Variants in RPA2 observed in about 807,000 individuals in gnomAD.
RPA2 encodes the protein replication protein A 32 kDa subunit.
Under a neutral mutation model 33.4 loss-of-function variants are expected in RPA2, and 22 were observed. The observed-to-expected ratio is 0.66, with a 90% CI of 0.47 to 0.94. The LOEUF is 0.94. Ranked by LOEUF, RPA2 falls within the 40% of genes least tolerant of loss-of-function variation. The pLI, the probability that RPA2 is intolerant of heterozygous loss-of-function variation, is 0.00. For synonymous variants in RPA2, 109 were observed against 114.9 expected, an observed-to-expected ratio of 0.95 and a Z score of 0.33; for missense variants, 279 against 329.9, an observed-to-expected ratio of 0.85 and a Z score of 1.19.
At chr1:27,911,585 C>G (rs1377609179) in intron 2 of RPA2, among the ~76,000 whole-genome samples, 11 of 152,122 alleles carry the variant, frequency 7.2e-5, no homozygotes, top group Non-Finnish European at 1.5e-4. Context: ...GAATTAAAGT[C>G]CCTTGAGATC....
chr1:27,912,601 G>C (rs1049527063), intron 2 of RPA2, among the ~76,000 whole-genome samples: 3 of 152,086 alleles, frequency 2.0e-5, no homozygotes, highest in African/African-American at 7.2e-5. Context: ...GCTTTCTATA[G>C]ATTGTTTTCC....
Position 27,897,997 on chromosome 1 carries a change from T to C in RPA2, c.334-290A>G, listed in dbSNP as rs28904886. On this transcript the variant is annotated intron_variant, in intron 4 of 8. Coordinates refer to ENST00000373912, the MANE Select transcript of RPA2 (RefSeq NM_002946.5). ...AAGCTCTTAGGCACACAATTTTCTTTTTTCTTTTTTTGAGAGGGAGTCTCG... is the reference window on the plus strand; with the variant it reads ...AAGCTCTTAGGCACACAATTTTCTTCTTTCTTTTTTTGAGAGGGAGTCTCG... Among the ~76,000 whole-genome samples the C allele has an allele frequency of 3.6e-3, 542 of 152,304 alleles. 4 individuals are homozygous for C. Among genetic ancestry groups the C allele is most frequent in the African/African-American group, 0.013 (522 of 41,552 alleles).
intron 4 of RPA2, among the ~76,000 whole-genome samples, chr1:27,902,286 CTT>C (rs11384286): frequency 1.9e-4 from 26 of 139,000 alleles, no homozygotes; most frequent in African/African-American, 5.3e-4. Flanking sequence ...TTTACGTATA[CTT>C]TTTTTTTTTT....
chr1:27,908,828 G>A (rs1234623004), intron 2 of RPA2, among the ~76,000 whole-genome samples: 4 of 152,196 alleles, frequency 2.6e-5, no homozygotes, highest in Non-Finnish European at 4.4e-5. Flanking sequence ...CCAGACAACA[G>A]TGTAAACTTA....
chr1:27,905,970 A>G (rs1353380885), intron 4 of RPA2, among the ~76,000 whole-genome samples: 4 of 142,914 alleles, frequency 2.8e-5, no homozygotes, highest in Non-Finnish European at 6.1e-5. Flanking sequence ...TGTTTGTAAT[A>G]TGTTGCAAAT....
chr1:27,892,214 G>A lies in RPA2; in HGVS notation c.762C>T (p.His254=), dbSNP rs1260239096. The part of the protein sequence containing the change: ...QAVDFLSNEG[H]IYSTVDDDHF... Reference sequence around the variant, plus strand: ...GGTCATCATCCACAGTAGAATAGATGTGCCCCTCATTGCTCAGAAAATCCA... The same window carrying A: ...GGTCATCATCCACAGTAGAATAGATATGCCCCTCATTGCTCAGAAAATCCA... Residue 254 remains histidine (H), a synonymous_variant, in exon 9 of 9, where the codon CAC becomes CAT. Coordinates refer to ENST00000373912, the MANE Select transcript of RPA2 (RefSeq NM_002946.5). 5 of 1,613,314 alleles carry A rather than the reference G, an allele frequency of 3.1e-6. No individual in the cohort carries two copies. In the African/African-American group the frequency reaches 6.7e-5, roughly 22 times the overall value.
At chr1:27,910,310 A>C (rs1004511519) in intron 2 of RPA2, among the ~76,000 whole-genome samples, 1 of 152,242 alleles carries the variant, frequency 6.6e-6, no homozygotes, top group Non-Finnish European at 1.5e-5. Context: ...TACATGTAGT[A>C]GATGTTTGAC....
chr1:27,905,770 G>C (rs1183685530), intron 4 of RPA2, among the ~76,000 whole-genome samples: 5 of 152,020 alleles, frequency 3.3e-5, no homozygotes, highest in African/African-American at 9.7e-5. Flanking sequence ...TGGGACTACA[G>C]GCGCCTGCCA....
chr1:27,899,541 C>T (rs937938440), intron 4 of RPA2, among the ~76,000 whole-genome samples: 2 of 135,052 alleles, frequency 1.5e-5, no homozygotes, highest in Non-Finnish European at 3.2e-5. Context: ...ACCACACAAA[C>T]AAAACAATTG....
At chr1:27,906,406 G>C (rs1001465050) in intron 4 of RPA2, among the ~76,000 whole-genome samples, 1 of 151,540 alleles carries the variant, frequency 6.6e-6, no homozygotes, top group Non-Finnish European at 1.5e-5. Flanking sequence ...AAAAAAGCAG[G>C]GGCTGGGTGT....
At chr1:27,909,085 G>A (rs571147394) in intron 2 of RPA2, among the ~76,000 whole-genome samples, 2 of 152,272 alleles carry the variant, frequency 1.3e-5, no homozygotes, top group Non-Finnish European at 1.5e-5. Flanking sequence ...GCAGGTAACA[G>A]GCTGAGGGCA....
At chr1:27,897,799 T>C (rs1223869569) in intron 4 of RPA2, 92 bp from the exon 5 acceptor site, 1 of 902,974 alleles carries the variant, frequency 1.1e-6, no homozygotes, top group Non-Finnish European at 1.6e-6. Context: ...AAGAGAAAGT[T>C]ACGAAGTAGA....
intron 2 of RPA2, 64 bp downstream of exon 2, chr1:27,913,999 G>A: frequency 7.0e-7 from 1 of 1,435,956 alleles, no homozygotes; most frequent in African/African-American, 1.4e-5. Flanking sequence ...TAAAGTTTCT[G>A]TCATAGATGA....
At chr1:27,905,702 A>G (rs1225473431) in intron 4 of RPA2, among the ~76,000 whole-genome samples, 1 of 151,756 alleles carries the variant, frequency 6.6e-6, no homozygotes, top group Non-Finnish European at 1.5e-5. Flanking sequence ...ATCTTGGCTC[A>G]CTGCAAGCTC....
intron 2 of RPA2, among the ~76,000 whole-genome samples, chr1:27,910,717 AG>A (rs1305825126): frequency 6.6e-6 from 1 of 152,136 alleles, no homozygotes; most frequent in Admixed American, 6.6e-5. Flanking sequence ...TTTATCACCC[AG>A]GGATGGTGCT....
chr1:27,903,204 C>T (rs1056159948), intron 4 of RPA2, among the ~76,000 whole-genome samples: 4 of 152,108 alleles, frequency 2.6e-5, no homozygotes, highest in Non-Finnish European at 4.4e-5. Flanking sequence ...GCTGGAATTA[C>T]AGGCGTGAGC....
intron 6 of RPA2, 144 bp from the exon 7 acceptor site, chr1:27,894,541 C>G (rs763395156): frequency 1.2e-4 from 72 of 608,454 alleles, no homozygotes; most frequent in Non-Finnish European, 1.8e-4. Flanking sequence ...TTGGAGTGGA[C>G]AGCTATTATC....
intron 4 of RPA2, among the ~76,000 whole-genome samples, chr1:27,903,286 T>C (rs1289730334): frequency 1.5e-5 from 2 of 137,358 alleles, no homozygotes; most frequent in Non-Finnish European, 3.1e-5. Flanking sequence ...TGGAGCATTG[T>C]ATATAATAGC....
intron 6 of RPA2, among the ~76,000 whole-genome samples, chr1:27,895,940 C>G (rs2089885650): frequency 6.6e-6 from 1 of 152,124 alleles, no homozygotes; most frequent in Non-Finnish European, 1.5e-5. Flanking sequence ...ACACTCCTGG[C>G]TCTTGCACAT....
Sources: allele counts gnomAD v4.1 joint callset (sites outside exome capture counted in the v4.1 genomes callset), GRCh38; gene constraint gnomAD v4.1.1; transcripts MANE v1.5; gene names NCBI Gene and HGNC (gene_info 2026-07-23, HGNC 2026-07-21).